Variants in GUCY2F observed in about 807,000 individuals in gnomAD.
GUCY2F encodes the protein retinal guanylyl cyclase 2.
GUCY2F carries 61 observed loss-of-function variants against 73.1 expected under a neutral mutation model. That is an observed-to-expected ratio of 0.83 (90% CI 0.68 to 1.03). The LOEUF (loss-of-function observed/expected upper bound fraction) is 1.03. Among genes scored for constraint, GUCY2F ranks in the 50% least tolerant of loss-of-function variants. The probability of loss-of-function intolerance (pLI) is 0.00; values close to 1 mark genes in which losing one functional copy is unlikely to be tolerated. For synonymous variants in GUCY2F, 331 were observed against 307.8 expected, an observed-to-expected ratio of 1.08 and a Z score of -0.79; for missense variants, 912 against 854.3, an observed-to-expected ratio of 1.07 and a Z score of -0.84.
chrX:109,436,582 A>C (rs55701729), intron 7 of GUCY2F, among the ~76,000 whole-genome samples: 5,244 of 111,931 alleles, frequency 0.047, 318 homozygotes, highest in African/African-American at 0.16. Context: ...TGGCACATAC[A>C]CACCATGGAA....
At chrX:109,386,803 G>C (rs1930447092) in intron 15 of GUCY2F, among the ~76,000 whole-genome samples, 1 of 111,686 alleles carries the variant, frequency 9.0e-6, no homozygotes, top group Admixed American at 9.5e-5. Flanking sequence ...ATGAGCTTGT[G>C]AGTTTATGCT....
chrX:109,453,597 C>A lies in GUCY2F; in HGVS notation c.1295G>T (p.Arg432Leu). ...YTVDMEMELL[R>L]FGGTPIHFPG... The stretch of plus-strand genomic sequence containing the variant: ...GAAGTGAATAGGGGTCCCTCCGAAA[C>A]GTAGCAGCTCCATTTCCATGTCCAC... Residue 432 changes from arginine to leucine, a missense_variant, in exon 4 of 20, where the codon CGT becomes CTT. Arg to Leu is a moderately radical substitution (Grantham distance 102). Transcript: ENST00000218006. 1 of 1,207,775 alleles carries A rather than the reference C, an allele frequency of 8.3e-7. No individual in the cohort carries two copies. The highest frequency in any genetic ancestry group is 1.8e-5 in the South Asian group (1 of 56,885).
intron 11 of GUCY2F, among the ~76,000 whole-genome samples, chrX:109,396,456 A>G (rs1457102935): frequency 1.8e-5 from 2 of 111,088 alleles, no homozygotes; most frequent in African/African-American, 6.6e-5. Context: ...TTCCTAAAAC[A>G]CAGATCTGGC....
chrX:109,421,290 G>A (rs995467121), intron 8 of GUCY2F, among the ~76,000 whole-genome samples: 25 of 111,513 alleles, frequency 2.2e-4, no homozygotes, highest in African/African-American at 7.1e-4. Context: ...GTCTCAAAGC[G>A]GTATTTCTAC....
chrX:109,420,334 AAG>A (rs1898876719), intron 8 of GUCY2F, among the ~76,000 whole-genome samples: 1 of 105,811 alleles, frequency 9.5e-6, no homozygotes, highest in Non-Finnish European at 2.0e-5. Flanking sequence ...AGAAGAGAGA[AAG>A]AGAAAGAAAG....
chrX:109,437,306 G>A (rs1466294422), intron 7 of GUCY2F, among the ~76,000 whole-genome samples: 2 of 112,040 alleles, frequency 1.8e-5, no homozygotes, highest in African/African-American at 3.2e-5. Context: ...TGGCCTACAC[G>A]ATTTGGCCTA....
intron 7 of GUCY2F, among the ~76,000 whole-genome samples, chrX:109,431,500 C>G (rs1931611319): frequency 9.1e-6 from 1 of 110,092 alleles, no homozygotes; most frequent in African/African-American, 3.3e-5. Context: ...AGATCGAGAC[C>G]ATCCTGGCTA....
chrX:109,416,330 G>T (rs1350947836), intron 8 of GUCY2F, among the ~76,000 whole-genome samples: 1 of 111,000 alleles, frequency 9.0e-6, no homozygotes, highest in Non-Finnish European at 1.9e-5. Flanking sequence ...ATGAATATAT[G>T]GGTATAGAAC....
chrX:109,432,318 G>A lies in GUCY2F; in HGVS notation c.1702-1922C>T, dbSNP rs1445804451. Among the ~76,000 whole-genome samples the A allele has an allele frequency of 4.5e-5, 5 of 111,817 alleles. No individual in the cohort carries two copies. The Admixed American group carries it at 4.7e-4, about 11-fold the overall frequency. ...TTCATCAAAATCTGCTCTCAGTCAG[G>A]GATCGAAAAGTCATTCACAGAAGTC... On this transcript the variant is annotated intron_variant, in intron 7 of 19. Coordinates refer to ENST00000218006, the MANE Select transcript of GUCY2F (RefSeq NM_001522.3).
chrX:109,414,618 A>G (rs1396526843), intron 8 of GUCY2F, among the ~76,000 whole-genome samples: 1 of 112,306 alleles, frequency 8.9e-6, no homozygotes, highest in Admixed American at 9.5e-5. Context: ...ATGATTACAC[A>G]ATGATACAAA....
intron 16 of GUCY2F, among the ~76,000 whole-genome samples, chrX:109,382,764 G>A (rs776711573): frequency 8.9e-5 from 10 of 112,324 alleles, no homozygotes; most frequent in Non-Finnish European, 1.7e-4. Flanking sequence ...ACGTTTGGGT[G>A]GGGGCACCTA....
Position 109,393,969 on chromosome X carries a change from A to G in GUCY2F, c.2425-914T>C, listed in dbSNP as rs765593375. On this transcript the variant is annotated intron_variant, in intron 12 of 19. Coordinates refer to ENST00000218006, the MANE Select transcript of GUCY2F (RefSeq NM_001522.3). The stretch of plus-strand genomic sequence containing the variant: ...CCAATGCCCCAAGGCCAACACTAGG[A>G]GTTTCCCTTCTGAGCCTGGTTCACA... 2.7e-5 allele frequency among the ~76,000 whole-genome samples: 3 copies of G among 112,208 alleles called. No homozygotes were observed. In the East Asian group the frequency reaches 8.5e-4, roughly 32 times the overall value.
chrX:109,476,109 A>AC lies in GUCY2F; in HGVS notation c.-85-89_-85-88insG, dbSNP rs1035051330. On this transcript the variant is annotated intron_variant, in intron 1 of 19. Coordinates refer to ENST00000218006, the MANE Select transcript of GUCY2F (RefSeq NM_001522.3). ...TTGTGAAAGAATGGCAAAAAAAAAAAAAAAATGGCAGTGCCCAAACTAAAA... is the reference window on the plus strand; with the variant it reads ...TTGTGAAAGAATGGCAAAAAAAAAAACAAAAATGGCAGTGCCCAAACTAAAA... The AC allele has an allele frequency of 7.0e-6, 3 of 430,374 alleles. No homozygotes were observed. In the African/African-American group the frequency reaches 7.7e-5, roughly 11 times the overall value. 35.5% of individuals were successfully genotyped at this position (430,374 alleles called of 1,213,427 possible).
intron 19 of GUCY2F, among the ~76,000 whole-genome samples, chrX:109,373,824 A>C (rs563074): frequency 0.2 from 22,340 of 112,150 alleles, 2,202 homozygotes; most frequent in East Asian, 0.65. Context: ...AAGTAACCAG[A>C]TGATACAAAA....
At chrX:109,431,542 CA>C (rs57914231) in intron 7 of GUCY2F, among the ~76,000 whole-genome samples, 8,488 of 109,300 alleles carry the variant, frequency 0.078, 819 homozygotes, top group African/African-American at 0.26. Flanking sequence ...ACTAAAAATA[CA>C]AAAAAATCAG....
At chrX:109,446,978 C>T (rs1288208466) in intron 6 of GUCY2F, among the ~76,000 whole-genome samples, 1 of 112,206 alleles carries the variant, frequency 8.9e-6, no homozygotes, top group African/African-American at 3.2e-5. Context: ...TATGAACAGA[C>T]ACTTCTCAAA....
chrX:109,435,038 G>T (rs374330203), intron 7 of GUCY2F, among the ~76,000 whole-genome samples: 1,412 of 109,021 alleles, frequency 0.013, 44 homozygotes, highest in African/African-American at 0.042. Context: ...AGCCTTGTAG[G>T]ATAGTTTGAA....
intron 3 of GUCY2F, among the ~76,000 whole-genome samples, chrX:109,454,772 C>T (rs1333460377): frequency 1.8e-5 from 2 of 111,044 alleles, no homozygotes; most frequent in Non-Finnish European, 3.8e-5. Flanking sequence ...TGTACCTCCC[C>T]CGACATGGCC....
At position 109,393,000 on chromosome X, in the gene GUCY2F, A is replaced by T. The variant is rs1269947015; in HGVS notation, c.2480T>A (p.Met827Lys). The T allele has an allele frequency of 3.6e-6, 4 of 1,117,906 alleles. No individual in the cohort carries two copies. In the African/African-American group the frequency reaches 5.4e-5, roughly 15 times the overall value. The allele number at this position is 1,117,906 out of a possible 1,213,427, so 92.1% of individuals were successfully genotyped here. Residue 827 changes from methionine to lysine, a missense_variant, in exon 13 of 20, where the codon ATG becomes AAG. Transcript: ENST00000218006. ...CAAGTTGCTAGAATATTGCTCCAAC[A>T]TCCGAAGCATAGAATCAATAATATT... ...KTNIIDSMLR[M>K]LEQYSSNLED...
Sources: allele counts gnomAD v4.1 joint callset (sites outside exome capture counted in the v4.1 genomes callset), GRCh38; gene constraint gnomAD v4.1.1; transcripts MANE v1.5; gene names NCBI Gene and HGNC (gene_info 2026-07-23, HGNC 2026-07-21).